CNTN5: variants seen among roughly 807,000 people sequenced by gnomAD.
CNTN5 encodes contactin 5, also known as contactin-5.
In CNTN5, 77 loss-of-function variants were observed where a neutral mutation model predicts 129.1. The ratio of observed to expected loss-of-function variants is 0.60; its 90% confidence interval spans 0.50 to 0.72. The LOEUF is 0.72. CNTN5 is among the 30% of genes least tolerant of loss of function. CNTN5 has a pLI of 0.00. For synonymous variants in CNTN5, 509 were observed against 465.6 expected, an observed-to-expected ratio of 1.09 and a Z score of -1.20; for missense variants, 1,478 against 1,328.8, an observed-to-expected ratio of 1.11 and a Z score of -1.75.
intron 1 of CNTN5, among the ~76,000 whole-genome samples, chr11:99,159,023 A>T (rs1860466624): frequency 6.6e-6 from 1 of 152,182 alleles, no homozygotes; most frequent in African/African-American, 2.4e-5. Flanking sequence ...GTTATGCAAG[A>T]TTACTGCCTG....
chr11:99,729,518 T>C (rs1343217734), intron 3 of CNTN5, among the ~76,000 whole-genome samples: 2 of 152,152 alleles, frequency 1.3e-5, no homozygotes, highest in Non-Finnish European at 2.9e-5. Flanking sequence ...TTTGAATTAG[T>C]ATAGCTATCT....
intron 2 of CNTN5, among the ~76,000 whole-genome samples, chr11:99,520,384 C>T (rs1301575800): frequency 1.3e-5 from 2 of 152,012 alleles, no homozygotes; most frequent in Non-Finnish European, 2.9e-5. Flanking sequence ...ATCAGTGATA[C>T]TAAGGTAAAC....
In CNTN5 at chr11:99,050,959, G is replaced by A. The variant is rs926762822; in HGVS notation, c.-210+29689G>A. ...ATTAATGTCCTACATATGTATTTGC[G>A]TATTAATGTGTATATTAATATCATC... On this transcript the variant is annotated intron_variant, in intron 1 of 24. Transcript: ENST00000524871. 2.0e-4 allele frequency among the ~76,000 whole-genome samples: 30 copies of A among 151,682 alleles called. 1 individual carries two copies. Among genetic ancestry groups the A allele is most frequent in the South Asian group, 1.2e-3 (6 of 4,822 alleles).
chr11:99,675,556 G>A (rs1216369875), intron 3 of CNTN5, among the ~76,000 whole-genome samples: 2 of 152,026 alleles, frequency 1.3e-5, no homozygotes, highest in East Asian at 1.9e-4. Flanking sequence ...ATGGTGGTGG[G>A]CACCTGTAAT....
At chr11:100,335,888 A>G (rs1484498893) in intron 21 of CNTN5, among the ~76,000 whole-genome samples, 1 of 152,116 alleles carries the variant, frequency 6.6e-6, no homozygotes, top group Non-Finnish European at 1.5e-5. Context: ...AATTTTAAAT[A>G]AAAATAATAT....
intron 2 of CNTN5, among the ~76,000 whole-genome samples, chr11:99,528,610 C>G (rs1046530270): frequency 6.6e-6 from 1 of 152,148 alleles, no homozygotes; most frequent in Non-Finnish European, 1.5e-5. Context: ...GGACATTTCT[C>G]CATTTATTAA....
At chr11:99,143,737 AT>A (rs1859645443) in intron 1 of CNTN5, among the ~76,000 whole-genome samples, 1 of 152,214 alleles carries the variant, frequency 6.6e-6, no homozygotes, top group African/African-American at 2.4e-5. Context: ...AGGAAAGTTA[AT>A]CCCAAATGCC....
At chr11:100,234,523 T>A (rs1440698674) in intron 16 of CNTN5, among the ~76,000 whole-genome samples, 3 of 151,974 alleles carry the variant, frequency 2.0e-5, no homozygotes, top group Non-Finnish European at 4.4e-5. Flanking sequence ...AACCTTATTC[T>A]CAGCTAACTA....
At chr11:100,222,958 T>C (rs1413470496) in intron 15 of CNTN5, among the ~76,000 whole-genome samples, 1 of 151,212 alleles carries the variant, frequency 6.6e-6, no homozygotes, top group East Asian at 2.0e-4. Flanking sequence ...TGAAACTAAA[T>C]TATTGTTTAT....
intron 3 of CNTN5, among the ~76,000 whole-genome samples, chr11:99,711,837 T>C (rs183143429): frequency 6.5e-4 from 99 of 152,234 alleles, no homozygotes; most frequent in African/African-American, 2.1e-3. Context: ...CTGCGTAGTA[T>C]CCCATGTTGT....
intron 2 of CNTN5, among the ~76,000 whole-genome samples, chr11:99,366,216 A>C (rs1939435813): frequency 6.6e-6 from 1 of 152,146 alleles, no homozygotes; most frequent in South Asian, 2.1e-4. Context: ...ATCTTTTGCA[A>C]GTGAGTGGCC....
At chr11:99,540,490 T>C (rs913600542) in intron 2 of CNTN5, among the ~76,000 whole-genome samples, 3 of 152,194 alleles carry the variant, frequency 2.0e-5, no homozygotes, top group Admixed American at 2.0e-4. Context: ...ATAATTGCTA[T>C]ATTATTATAA....
At chr11:99,382,474 A>C (rs181279720) in intron 2 of CNTN5, among the ~76,000 whole-genome samples, 11 of 152,294 alleles carry the variant, frequency 7.2e-5, no homozygotes, top group Non-Finnish European at 1.3e-4. Context: ...ACAATTTGAC[A>C]GCCTCCAATT....
intron 3 of CNTN5, among the ~76,000 whole-genome samples, chr11:99,642,587 C>G (rs1951810681): frequency 6.6e-6 from 1 of 152,170 alleles, no homozygotes; most frequent in African/African-American, 2.4e-5. Context: ...TCTGTCACCT[C>G]AAATACTTGG....
intron 4 of CNTN5, among the ~76,000 whole-genome samples, chr11:99,827,095 T>C (rs74679638): frequency 0.035 from 5,316 of 152,270 alleles, 135 homozygotes; most frequent in South Asian, 0.097. Flanking sequence ...TGTTTTTGTT[T>C]GTTTTAATGC....
intron 3 of CNTN5, among the ~76,000 whole-genome samples, chr11:99,743,010 A>C (rs926560287): frequency 6.6e-6 from 1 of 152,192 alleles, no homozygotes; most frequent in African/African-American, 2.4e-5. Flanking sequence ...AACATGCAAC[A>C]TGCTTTGAAT....
intron 3 of CNTN5, among the ~76,000 whole-genome samples, chr11:99,710,518 G>A (rs984384858): frequency 6.6e-6 from 1 of 151,596 alleles, no homozygotes; most frequent in Admixed American, 6.6e-5. Flanking sequence ...CAAGGGGCAT[G>A]GCCCCTACTG....
chr11:99,556,317 A>T (rs922903452), intron 3 of CNTN5, 48 bp downstream of exon 3: 1 of 1,201,760 alleles, frequency 8.3e-7, no homozygotes, highest in Non-Finnish European at 1.2e-6. Context: ...GTATCAAAAT[A>T]ACCAAAATAT....
chr11:100,211,943 T>C (rs1035762251), intron 15 of CNTN5, among the ~76,000 whole-genome samples: 1 of 152,108 alleles, frequency 6.6e-6, no homozygotes, highest in Admixed American at 6.6e-5. Flanking sequence ...AGACACACAC[T>C]TTACACAGGT....
Sources: gnomAD v4.1 joint callset for allele counts (sites outside exome capture counted in the v4.1 genomes callset) on GRCh38, gnomAD v4.1.1 for gene constraint, MANE v1.5 for transcripts, NCBI Gene and HGNC (gene_info 2026-07-23, HGNC 2026-07-21) for gene names.